Variants in TANGO6 observed in about 807,000 individuals in gnomAD.
TANGO6 encodes transport and Golgi organization protein 6 homolog.
Under a neutral mutation model 114.2 loss-of-function variants are expected in TANGO6, and 90 were observed. The ratio of observed to expected loss-of-function variants is 0.79; its 90% CI spans 0.66 to 0.94. TANGO6 has a LOEUF of 0.94. TANGO6 is among the 40% of genes least tolerant of loss of function. TANGO6 has a pLI of 0.00. For synonymous variants in TANGO6, 477 were observed against 509.8 expected (o/e 0.94, Z 0.87); for missense variants, 1,274 against 1,315.3 (o/e 0.97, Z 0.49).
chr16:68,907,403 C>G, intron 9 of TANGO6, 40 bp from the exon 10 acceptor site: 4 of 1,533,294 alleles, frequency 2.6e-6, no homozygotes, highest in Non-Finnish European at 3.5e-6. Flanking sequence ...ATGTGTATCT[C>G]TGGTGACACT....
intron 15 of TANGO6, among the ~76,000 whole-genome samples, chr16:68,977,834 C>T (rs1278716711): frequency 1.3e-5 from 2 of 151,506 alleles, no homozygotes; most frequent in African/African-American, 4.8e-5. Context: ...CACAGGCCCA[C>T]ACCACCACGC....
chr16:68,932,981 G>A (rs747311394), intron 14 of TANGO6, among the ~76,000 whole-genome samples: 1 of 152,178 alleles, frequency 6.6e-6, no homozygotes, highest in African/African-American at 2.4e-5. Flanking sequence ...TGTTCAATAT[G>A]TGTTAGCTAT....
At chr16:68,943,721 C>A (rs974966222) in intron 14 of TANGO6, among the ~76,000 whole-genome samples, 3 of 151,872 alleles carry the variant, frequency 2.0e-5, no homozygotes, top group African/African-American at 4.8e-5. Context: ...CAATTTTTTG[C>A]CCTTTAAGAT....
At chr16:69,009,042 C>A (rs887077040) in intron 15 of TANGO6, among the ~76,000 whole-genome samples, 4 of 148,614 alleles carry the variant, frequency 2.7e-5, no homozygotes, top group African/African-American at 4.9e-5. Flanking sequence ...TTGTTAAAAA[C>A]CAATTGAACA....
At chr16:68,903,006 ATC>A (rs1304962785) in intron 9 of TANGO6, among the ~76,000 whole-genome samples, 1 of 152,192 alleles carries the variant, frequency 6.6e-6, no homozygotes, top group East Asian at 1.9e-4. Flanking sequence ...TTTCTCCAGC[ATC>A]TCACAATTGC....
chr16:69,026,316 T>C (rs1267005387), intron 16 of TANGO6: 1 of 152,210 alleles, frequency 6.6e-6, no homozygotes, highest in Non-Finnish European at 1.5e-5. Context: ...CAAACTTTTT[T>C]TTTGCCAAAA....
chr16:69,014,906 A>AG (rs980935537), intron 15 of TANGO6, among the ~76,000 whole-genome samples: 1 of 151,966 alleles, frequency 6.6e-6, no homozygotes, highest in Non-Finnish European at 1.5e-5. Flanking sequence ...AAAAAAAAAA[A>AG]AAAAAGAAAA....
intron 17 of TANGO6, among the ~76,000 whole-genome samples, chr16:69,078,181 G>C (rs538213503): frequency 6.6e-6 from 1 of 152,322 alleles, no homozygotes; most frequent in African/African-American, 2.4e-5. Context: ...GTTCAGGCAA[G>C]AAAAGAAAGA....
chr16:68,921,078 C>T (rs1963085246), intron 12 of TANGO6, among the ~76,000 whole-genome samples: 1 of 141,780 alleles, frequency 7.1e-6, no homozygotes, highest in Non-Finnish European at 1.5e-5. Flanking sequence ...GAGATCGCGC[C>T]ACTGCACTCC....
intron 4 of TANGO6, among the ~76,000 whole-genome samples, chr16:68,871,658 C>T (rs1283311309): frequency 1.3e-5 from 2 of 152,022 alleles, no homozygotes; most frequent in Non-Finnish European, 2.9e-5. Context: ...CTTGCTCTGT[C>T]TCCCAGGCTG....
intron 14 of TANGO6, 187 bp from the exon 15 acceptor site, chr16:68,973,841 C>T: frequency 1.6e-6 from 1 of 625,678 alleles, no homozygotes; most frequent in Admixed American, 2.9e-5. Flanking sequence ...ACACAGGAGT[C>T]TCAACTACCA....
rs557355140 is a variant in TANGO6 at position 68,893,528 on chromosome 16, C to T, written c.1378-6906C>T. 1.7e-4 allele frequency among the ~76,000 whole-genome samples: 26 copies of T among 152,056 alleles called. No homozygotes were observed. In the South Asian group the frequency reaches 4.8e-3, roughly 28 times the overall value. On this transcript the variant is annotated intron_variant, in intron 7 of 17. Transcript: ENST00000261778. ...GTGGGGCTGGCGGACCACTTGAGAT[C>T]AGGAGTTGAGACCAGCCTGGCCAAC... is the stretch of plus-strand genomic sequence containing the variant.
At chr16:68,864,725 A>G (rs1962150747) in intron 3 of TANGO6, among the ~76,000 whole-genome samples, 1 of 152,192 alleles carries the variant, frequency 6.6e-6, no homozygotes, top group Non-Finnish European at 1.5e-5. Context: ...TAAGCCTTCC[A>G]TCAGGCCTCT....
chr16:68,846,522 GT>G (rs1961807991), intron 1 of TANGO6: 3 of 336,070 alleles, frequency 8.9e-6, no homozygotes, highest in South Asian at 6.6e-5. Flanking sequence ...TTTAGACGGA[GT>G]CTTGCTCTGT....
At chr16:68,988,268 T>C (rs1161072445) in intron 15 of TANGO6, among the ~76,000 whole-genome samples, 1 of 152,224 alleles carries the variant, frequency 6.6e-6, no homozygotes, top group East Asian at 1.9e-4. Context: ...GACTCGACTT[T>C]CCAGTAGCAC....
intron 5 of TANGO6, among the ~76,000 whole-genome samples, chr16:68,876,403 C>A (rs534520291): frequency 1.3e-5 from 2 of 152,040 alleles, no homozygotes; most frequent in Non-Finnish European, 2.9e-5. Flanking sequence ...TCAGGTGATC[C>A]GCCTGCCTCG....
intron 15 of TANGO6, among the ~76,000 whole-genome samples, chr16:69,012,556 CAAAAAAAAAAAAAAAAAAAAAAGGAA>C (rs1234276532): frequency 1.0e-2 from 365 of 36,522 alleles, no homozygotes; most frequent in Admixed American, 0.027. Context: ...AACTCTGTCT[CAAAAAAAAAAAAAAAAAAAAAAGGAA>C]AAAAAAAAAA....
At chr16:69,019,467 A>T (rs1011266460) in intron 15 of TANGO6, among the ~76,000 whole-genome samples, 2 of 152,106 alleles carry the variant, frequency 1.3e-5, no homozygotes, top group African/African-American at 4.8e-5. Flanking sequence ...TTTTTCTTAT[A>T]CTGTATGGAA....
At chr16:68,973,935 C>T in intron 14 of TANGO6, 93 bp from the exon 15 acceptor site, 2 of 1,404,318 alleles carry the variant, frequency 1.4e-6, no homozygotes, top group Non-Finnish European at 2.0e-6. Flanking sequence ...TGGTTTTCAG[C>T]ATCTCTGCGT....
Sources: gnomAD v4.1 joint callset for allele counts (sites outside exome capture counted in the v4.1 genomes callset) on GRCh38, gnomAD v4.1.1 for gene constraint, MANE v1.5 for transcripts, NCBI Gene and HGNC (gene_info 2026-07-23, HGNC 2026-07-21) for gene names.